The following CA10 variants were observed in gnomAD, a reference collection of about 807,000 sequenced individuals.
CA10 encodes the protein carbonic anhydrase 10 (inactive).
Under a neutral mutation model 44.2 loss-of-function variants are expected in CA10, and 14 were observed. That is an observed-to-expected ratio of 0.32 (90% CI 0.21 to 0.50). The LOEUF is 0.50. Ranked by LOEUF, CA10 falls within the 20% of genes least tolerant of loss-of-function variation. The pLI, the probability that CA10 is intolerant of heterozygous loss-of-function variation, is 0.99. For missense variants in CA10, 350 were observed against 409.7 expected (o/e 0.85, Z 1.26); for synonymous variants, 159 against 141.6 (o/e 1.12, Z -0.87).
At chr17:52,015,593 T>C (rs967176038) in intron 2 of CA10, among the ~76,000 whole-genome samples, 17 of 152,058 alleles carry the variant, frequency 1.1e-4, no homozygotes, top group African/African-American at 3.6e-4. Context: ...TGATGAGAAG[T>C]AAGGATTTAC....
At chr17:51,648,464 C>T (rs1053165664) in intron 6 of CA10, among the ~76,000 whole-genome samples, 3 of 152,308 alleles carry the variant, frequency 2.0e-5, no homozygotes, top group Admixed American at 6.5e-5. Flanking sequence ...GTATCCTACT[C>T]GCTCCTAATT....
At chr17:52,071,231 T>C (rs1230280756) in intron 2 of CA10, among the ~76,000 whole-genome samples, 2 of 152,202 alleles carry the variant, frequency 1.3e-5, no homozygotes, top group Non-Finnish European at 2.9e-5. Flanking sequence ...CATAGTAAAT[T>C]TATGAAGTTA....
At chr17:52,146,233 C>T (rs1989579938) in intron 1 of CA10, among the ~76,000 whole-genome samples, 1 of 151,920 alleles carries the variant, frequency 6.6e-6, no homozygotes, top group South Asian at 2.1e-4. Context: ...GCACATGTAC[C>T]CTAGAACTTA....
chr17:52,108,480 C>T (rs192400223), intron 1 of CA10, among the ~76,000 whole-genome samples: 353 of 151,358 alleles, frequency 2.3e-3, no homozygotes, highest in Non-Finnish European at 4.4e-3. Flanking sequence ...AGGCGAATCA[C>T]GAGGTCAGGA....
chr17:51,965,269 C>T (rs1002225507), intron 2 of CA10, among the ~76,000 whole-genome samples: 1 of 151,694 alleles, frequency 6.6e-6, no homozygotes, highest in African/African-American at 2.4e-5. Flanking sequence ...AAGCCCCAAA[C>T]CAGAGAGATT....
chr17:51,941,066 C>G (rs762295780), intron 2 of CA10, among the ~76,000 whole-genome samples: 5 of 152,082 alleles, frequency 3.3e-5, no homozygotes, highest in Non-Finnish European at 7.4e-5. Context: ...ACTAGTTTTC[C>G]CATTTTACAG....
At chr17:52,079,015 G>A (rs1315818889) in intron 1 of CA10, among the ~76,000 whole-genome samples, 3 of 152,320 alleles carry the variant, frequency 2.0e-5, no homozygotes, top group Admixed American at 1.3e-4. Flanking sequence ...GGCCGGGTGT[G>A]GTGGCTTACT....
chr17:51,942,538 T>TTATATATATATATATATATA lies in CA10; in HGVS notation c.137-11407_137-11406insTATATATATATATATATATA, dbSNP rs10549926. On this transcript the variant is annotated intron_variant, in intron 2 of 8. Transcript: ENST00000451037. ...AGCCAGGAAGGAAATCTTGCAGGCATTATATATATATATATATCTGTCATC... is the reference window on the plus strand; with the variant it reads ...AGCCAGGAAGGAAATCTTGCAGGCATTATATATATATATATATATATATATATATATATATATCTGTCATC... Among the ~76,000 whole-genome samples, 71 of 135,202 alleles carry TTATATATATATATATATATA rather than the reference T, an allele frequency of 5.3e-4. 2 individuals carry two copies. In the South Asian group the frequency reaches 8.5e-3, roughly 16 times the overall value. The allele number at this position is 135,202 out of a possible 152,430, so 88.7% of individuals were successfully genotyped here.
intron 1 of CA10, among the ~76,000 whole-genome samples, chr17:52,124,298 C>T (rs1345254631): frequency 6.6e-6 from 1 of 152,136 alleles, no homozygotes. Context: ...CAATGCAAAA[C>T]TTATTATTGG....
intron 3 of CA10, among the ~76,000 whole-genome samples, chr17:51,831,806 T>A (rs1908289419): frequency 6.6e-6 from 1 of 151,490 alleles, no homozygotes; most frequent in South Asian, 2.1e-4. Context: ...TGCAAAAGGA[T>A]CTGACAAGGA....
At chr17:52,099,613 T>A (rs1472674202) in intron 1 of CA10, among the ~76,000 whole-genome samples, 1 of 152,176 alleles carries the variant, frequency 6.6e-6, no homozygotes, top group East Asian at 1.9e-4. Context: ...ATCCACATGT[T>A]GGTGGCAAGC....
intron 2 of CA10, among the ~76,000 whole-genome samples, chr17:51,987,553 A>C (rs1984886283): frequency 6.6e-6 from 1 of 152,028 alleles, no homozygotes; most frequent in Non-Finnish European, 1.5e-5. Flanking sequence ...AATGTAGAAA[A>C]GATTTTAAAA....
chr17:51,775,659 A>G (rs1296242141), intron 3 of CA10, among the ~76,000 whole-genome samples: 9 of 152,208 alleles, frequency 5.9e-5, no homozygotes, highest in African/African-American at 2.2e-4. Flanking sequence ...TGAAATGCAC[A>G]ATTACATGGC....
intron 4 of CA10, among the ~76,000 whole-genome samples, chr17:51,660,050 G>A (rs554822728): frequency 8.5e-5 from 13 of 152,308 alleles, no homozygotes; most frequent in African/African-American, 2.9e-4. Flanking sequence ...TTAGTTCTCA[G>A]CCCATGACTT....
chr17:51,703,352 A>T (rs752830475), intron 4 of CA10, among the ~76,000 whole-genome samples: 26 of 152,150 alleles, frequency 1.7e-4, no homozygotes, highest in Non-Finnish European at 3.5e-4. Context: ...CCATGATAAT[A>T]TCTTTCCATG....
intron 3 of CA10, among the ~76,000 whole-genome samples, chr17:51,909,544 C>G (rs2143947747): frequency 6.6e-6 from 1 of 152,182 alleles, no homozygotes; most frequent in African/African-American, 2.4e-5. Context: ...AAAAGCAATC[C>G]TTTATAAGAA....
chr17:52,148,583 G>A (rs1467479102), intron 1 of CA10, among the ~76,000 whole-genome samples: 3 of 152,178 alleles, frequency 2.0e-5, no homozygotes, highest in Non-Finnish European at 2.9e-5. Flanking sequence ...CAAGACAACA[G>A]CTGGTAGAGG....
intron 2 of CA10, among the ~76,000 whole-genome samples, chr17:52,038,267 A>C (rs1986673009): frequency 6.6e-6 from 1 of 152,180 alleles, no homozygotes; most frequent in African/African-American, 2.4e-5. Context: ...AGAAGAGGAA[A>C]GTAACCAGGT....
intron 1 of CA10, among the ~76,000 whole-genome samples, chr17:52,140,081 A>G (rs563821520): frequency 6.6e-6 from 1 of 152,200 alleles, no homozygotes; most frequent in Non-Finnish European, 1.5e-5. Context: ...TTGCCTGCAC[A>G]AGGATTGGAG....
Sources: gnomAD v4.1 joint callset for allele counts (sites outside exome capture counted in the v4.1 genomes callset) on GRCh38, gnomAD v4.1.1 for gene constraint, MANE v1.5 for transcripts, NCBI Gene and HGNC (gene_info 2026-07-23, HGNC 2026-07-21) for gene names.